KCNIP4: variants seen among roughly 807,000 people sequenced by gnomAD.
The protein encoded by KCNIP4 is Kv channel-interacting protein 4.
Under a neutral mutation model 34.0 loss-of-function variants are expected in KCNIP4, and 12 were observed. That is an observed-to-expected ratio of 0.35 (90% confidence interval 0.23 to 0.57). KCNIP4 has a LOEUF of 0.57. KCNIP4 is among the 20% of genes least tolerant of loss of function. KCNIP4 has a pLI of 0.83. For missense variants in KCNIP4, 238 were observed against 311.7 expected (o/e 0.76, Z 1.78); for synonymous variants, 124 against 102.2 (o/e 1.21, Z -1.29).
intron 1 of KCNIP4, among the ~76,000 whole-genome samples, chr4:21,926,682 C>T (rs1729267140): frequency 6.6e-6 from 1 of 152,110 alleles, no homozygotes; most frequent in African/African-American, 2.4e-5. Context: ...GGGTTGATCC[C>T]ACCTCTCTCT....
chr4:21,554,776 C>A (rs1420475206), intron 1 of KCNIP4, among the ~76,000 whole-genome samples: 1 of 152,066 alleles, frequency 6.6e-6, no homozygotes, highest in African/African-American at 2.4e-5. Flanking sequence ...CCTATCATTA[C>A]CATCTGTTTA....
intron 1 of KCNIP4, among the ~76,000 whole-genome samples, chr4:21,011,022 T>A (rs1472652092): frequency 1.3e-5 from 2 of 152,248 alleles, no homozygotes; most frequent in Middle Eastern, 3.4e-3. Flanking sequence ...ACTCAATGCC[T>A]CCCGATGAAA....
At chr4:20,887,883 A>G (rs1335169653) in intron 1 of KCNIP4, among the ~76,000 whole-genome samples, 1 of 151,704 alleles carries the variant, frequency 6.6e-6, no homozygotes, top group Non-Finnish European at 1.5e-5. Context: ...TAAAACAGCA[A>G]AAAAGTATTG....
intron 1 of KCNIP4, among the ~76,000 whole-genome samples, chr4:21,405,132 T>C (rs1237291418): frequency 6.6e-6 from 1 of 152,160 alleles, no homozygotes; most frequent in African/African-American, 2.4e-5. Flanking sequence ...GCAAGACACT[T>C]GTTAGGTTGG....
At chr4:20,808,495 A>G (rs1214191086) in intron 3 of KCNIP4, among the ~76,000 whole-genome samples, 3 of 152,226 alleles carry the variant, frequency 2.0e-5, no homozygotes, top group African/African-American at 7.2e-5. Context: ...ATACTTTGAA[A>G]GAACATAATT....
chr4:21,213,436 G>C (rs1244200757), intron 1 of KCNIP4, among the ~76,000 whole-genome samples: 1 of 151,860 alleles, frequency 6.6e-6, no homozygotes, highest in Non-Finnish European at 1.5e-5. Context: ...CAAGTAGCTG[G>C]GATTACAGAC....
chr4:21,073,221 A>G (rs1157465765), intron 1 of KCNIP4, among the ~76,000 whole-genome samples: 3 of 152,102 alleles, frequency 2.0e-5, no homozygotes, highest in Admixed American at 6.6e-5. Context: ...CATTGAATCT[A>G]TAAATTACCT....
chr4:21,248,136 C>T (rs1760432724), intron 1 of KCNIP4, among the ~76,000 whole-genome samples: 1 of 151,296 alleles, frequency 6.6e-6, no homozygotes, highest in Admixed American at 6.6e-5. Flanking sequence ...GGTAAGGGCC[C>T]TGGTCACTAG....
intron 1 of KCNIP4, among the ~76,000 whole-genome samples, chr4:21,876,851 A>G (rs889692704): frequency 6.6e-6 from 1 of 152,030 alleles, no homozygotes; most frequent in African/African-American, 2.4e-5. Flanking sequence ...TCAACGGGAG[A>G]CTTGAGTCTG....
chr4:21,132,803 G>C (rs1048258579), intron 1 of KCNIP4, among the ~76,000 whole-genome samples: 1 of 148,886 alleles, frequency 6.7e-6, no homozygotes, highest in Non-Finnish European at 1.5e-5. Flanking sequence ...GAGCTCAGGA[G>C]TTCGAGACCA....
At chr4:20,993,595 G>A (rs1264409266) in intron 1 of KCNIP4, among the ~76,000 whole-genome samples, 1 of 152,162 alleles carries the variant, frequency 6.6e-6, no homozygotes, top group Non-Finnish European at 1.5e-5. Flanking sequence ...CCAGAGAACT[G>A]GAAACAAAAT....
At chr4:21,466,708 A>G (rs2109791555) in intron 1 of KCNIP4, among the ~76,000 whole-genome samples, 1 of 152,268 alleles carries the variant, frequency 6.6e-6, no homozygotes, top group South Asian at 2.1e-4. Flanking sequence ...TCCCATTTAT[A>G]CAAATGCCCC....
intron 1 of KCNIP4, among the ~76,000 whole-genome samples, chr4:21,187,091 T>A (rs1451935569): frequency 6.6e-6 from 1 of 152,222 alleles, no homozygotes; most frequent in African/African-American, 2.4e-5. Context: ...TATTTTATTC[T>A]CAGCAATATA....
chr4:21,931,650 T>G (rs1010810928), intron 1 of KCNIP4, among the ~76,000 whole-genome samples: 1 of 152,122 alleles, frequency 6.6e-6, no homozygotes, highest in African/African-American at 2.4e-5. Flanking sequence ...GGTGTATATG[T>G]GACACATTTT....
At chr4:21,128,362 T>A (rs949455582) in intron 1 of KCNIP4, among the ~76,000 whole-genome samples, 1 of 152,204 alleles carries the variant, frequency 6.6e-6, no homozygotes, top group Non-Finnish European at 1.5e-5. Context: ...TTATGAAGCA[T>A]GCGATGTTTC....
intron 1 of KCNIP4, among the ~76,000 whole-genome samples, chr4:21,272,216 T>C (rs2109137995): frequency 6.6e-6 from 1 of 152,296 alleles, no homozygotes; most frequent in Admixed American, 6.5e-5. Context: ...ATAATAGCAG[T>C]ACCGACCCCA....
intron 1 of KCNIP4, among the ~76,000 whole-genome samples, chr4:21,448,221 T>C (rs953335865): frequency 6.6e-6 from 1 of 152,114 alleles, no homozygotes; most frequent in African/African-American, 2.4e-5. Context: ...ATTCTGCCAG[T>C]AAGGGATGAG....
chr4:21,556,920 C>CAAAAAAAAAAAAA (rs1281543089), intron 1 of KCNIP4, among the ~76,000 whole-genome samples: 18 of 35,620 alleles, frequency 5.1e-4, no homozygotes, highest in East Asian at 1.3e-3. Flanking sequence ...GACTCCATCT[C>CAAAAAAAAAAAAA]AGAAAAAAAA....
chr4:20,798,497 CCACACACACACA>C (rs373960573), intron 3 of KCNIP4, among the ~76,000 whole-genome samples: 5 of 149,868 alleles, frequency 3.3e-5, no homozygotes, highest in Admixed American at 2.7e-4. Context: ...CTTCTTTCTA[CCACACACACACA>C]CACAGACACA....
Sources: gnomAD v4.1 joint callset for allele counts (sites outside exome capture counted in the v4.1 genomes callset) on GRCh38, gnomAD v4.1.1 for gene constraint, MANE v1.5 for transcripts, NCBI Gene and HGNC (gene_info 2026-07-23, HGNC 2026-07-21) for gene names.